The following SPATS2 variants were observed in gnomAD, a reference collection of about 807,000 sequenced individuals.
The protein encoded by SPATS2 is spermatogenesis associated serine rich 2.
In SPATS2, 38 loss-of-function variants were observed where a neutral mutation model predicts 63.7. The ratio of observed to expected loss-of-function variants is 0.60; its 90% CI spans 0.46 to 0.78. The LOEUF is 0.78. SPATS2 is among the 30% of genes least tolerant of loss of function. The pLI, the probability that SPATS2 is intolerant of heterozygous loss-of-function variation, is 0.00. For missense variants in SPATS2, 588 were observed against 666.2 expected, an observed-to-expected ratio of 0.88 and a Z score of 1.29; for synonymous variants, 207 against 232.9, an observed-to-expected ratio of 0.89 and a Z score of 1.01.
Position 49,426,099 on chromosome 12 carries a change from TA to T in SPATS2, c.-243-34670del, listed in dbSNP as rs1372138237. ...GCCTTTTAGCCTACCAGTGTTCATTTAGGGGTGTTAGTCAATTCATGCTAAG... is the reference window on the plus strand; with the variant it reads ...GCCTTTTAGCCTACCAGTGTTCATTTGGGGTGTTAGTCAATTCATGCTAAG... On this transcript the variant is annotated intron_variant, in intron 2 of 13. Transcript: ENST00000552918. Among the ~76,000 whole-genome samples the T allele has an allele frequency of 2.0e-5, 3 of 152,216 alleles. No homozygotes were observed. In the East Asian group the frequency reaches 5.8e-4, roughly 29 times the overall value.
chr12:49,382,393 CTTT>C (rs1173013908), intron 2 of SPATS2, among the ~76,000 whole-genome samples: 16 of 152,198 alleles, frequency 1.1e-4, no homozygotes, highest in Admixed American at 1.0e-3. Flanking sequence ...AGCACTTTCT[CTTT>C]TTTATCCTTC....
chr12:49,490,803 T>C, intron 6 of SPATS2, 72 bp downstream of exon 6: 1 of 1,426,208 alleles, frequency 7.0e-7, no homozygotes, highest in East Asian at 2.4e-5. Flanking sequence ...TGCAAAAATA[T>C]TTGAAAGAAA....
At chr12:49,517,480 G>A (rs577349969) in intron 10 of SPATS2, among the ~76,000 whole-genome samples, 6 of 152,170 alleles carry the variant, frequency 3.9e-5, no homozygotes, top group Non-Finnish European at 5.9e-5. Flanking sequence ...ATCAGTTAGG[G>A]ATTGAGTTTG....
At chr12:49,499,108 C>G (rs11829969) in intron 8 of SPATS2, among the ~76,000 whole-genome samples, 13,938 of 152,158 alleles carry the variant, frequency 0.092, 752 homozygotes, top group African/African-American at 0.14. Context: ...ATTATAATAG[C>G]TGTTTGATGT....
intron 2 of SPATS2, among the ~76,000 whole-genome samples, chr12:49,398,782 A>G (rs1198071816): frequency 6.6e-6 from 1 of 152,164 alleles, no homozygotes; most frequent in Non-Finnish European, 1.5e-5. Context: ...TTTCCAGAAA[A>G]TGATTTGAGT....
chr12:49,415,951 G>T (rs1944881518), intron 2 of SPATS2, among the ~76,000 whole-genome samples: 1 of 151,280 alleles, frequency 6.6e-6, no homozygotes. Context: ...GACCCTGCAG[G>T]CCTTGGCTTA....
At chr12:49,519,028 C>A in intron 10 of SPATS2, 45 bp from the exon 11 acceptor site, 2 of 1,496,572 alleles carry the variant, frequency 1.3e-6, no homozygotes, top group Non-Finnish European at 1.8e-6. Context: ...CTTCTTTATC[C>A]TATTTAGCAG....
chr12:49,490,833 C>A, intron 6 of SPATS2, 102 bp downstream of exon 6: 1 of 1,094,740 alleles, frequency 9.1e-7, no homozygotes, highest in Non-Finnish European at 1.3e-6. Flanking sequence ...TACATATCTT[C>A]TGTTTACCTG....
chr12:49,486,630 GT>G, intron 4 of SPATS2, among the ~76,000 whole-genome samples: 1 of 152,112 alleles, frequency 6.6e-6, no homozygotes, highest in Admixed American at 6.5e-5. Context: ...CACTTGTATG[GT>G]TTTTTTATTT....
At chr12:49,519,812 C>A (rs1419341840) in intron 11 of SPATS2, among the ~76,000 whole-genome samples, 1 of 147,434 alleles carries the variant, frequency 6.8e-6, no homozygotes, top group African/African-American at 2.6e-5. Flanking sequence ...ACAGTTACCA[C>A]TATTTTTTTT....
chr12:49,421,998 A>G (rs986598893), intron 2 of SPATS2, among the ~76,000 whole-genome samples: 1 of 152,166 alleles, frequency 6.6e-6, no homozygotes, highest in African/African-American at 2.4e-5. Context: ...AATTCAGGCA[A>G]CTTCCTAATG....
chr12:49,451,080 T>G (rs1248868183), intron 2 of SPATS2, among the ~76,000 whole-genome samples: 1 of 139,078 alleles, frequency 7.2e-6, no homozygotes, highest in African/African-American at 2.7e-5. Flanking sequence ...CCATGTTGGC[T>G]AGGCTGGTCT....
intron 8 of SPATS2, among the ~76,000 whole-genome samples, chr12:49,499,188 T>C (rs1946519810): frequency 6.6e-6 from 1 of 152,240 alleles, no homozygotes; most frequent in African/African-American, 2.4e-5. Context: ...TTTCTCTTAC[T>C]TATAGGTCAT....
intron 2 of SPATS2, among the ~76,000 whole-genome samples, chr12:49,407,480 G>A (rs982086237): frequency 3.3e-5 from 5 of 152,080 alleles, no homozygotes; most frequent in South Asian, 2.1e-4. Flanking sequence ...TAGCCACAGC[G>A]GCATCCTTGC....
At chr12:49,496,014 T>TAA (rs1188126535) in intron 7 of SPATS2, among the ~76,000 whole-genome samples, 7 of 152,204 alleles carry the variant, frequency 4.6e-5, no homozygotes, top group Non-Finnish European at 7.4e-5. Context: ...TTTAAAACAT[T>TAA]ACTTGTTAAT....
At chr12:49,458,232 C>T (rs545594039) in intron 2 of SPATS2, among the ~76,000 whole-genome samples, 18 of 152,258 alleles carry the variant, frequency 1.2e-4, no homozygotes, top group African/African-American at 4.1e-4. Context: ...CTTCAGGAGG[C>T]GGAGGCAGAC....
At chr12:49,373,256 G>C (rs1944034193) in intron 2 of SPATS2, among the ~76,000 whole-genome samples, 1 of 152,110 alleles carries the variant, frequency 6.6e-6, no homozygotes, top group Non-Finnish European at 1.5e-5. Context: ...TTACATGCTT[G>C]AGCCACAGTG....
At chr12:49,439,248 G>C (rs866265735) in intron 2 of SPATS2, among the ~76,000 whole-genome samples, 1 of 152,200 alleles carries the variant, frequency 6.6e-6, no homozygotes, top group Admixed American at 6.5e-5. Flanking sequence ...TTGAGCAAGG[G>C]GTGATGCTGG....
chr12:49,395,635 A>C (rs918533391), intron 2 of SPATS2, among the ~76,000 whole-genome samples: 14 of 151,736 alleles, frequency 9.2e-5, no homozygotes, highest in African/African-American at 2.9e-4. Flanking sequence ...CATGTTGATT[A>C]GGCTGGTCTT....
Sources: gnomAD v4.1 joint callset for allele counts (sites outside exome capture counted in the v4.1 genomes callset) on GRCh38, gnomAD v4.1.1 for gene constraint, MANE v1.5 for transcripts, NCBI Gene and HGNC (gene_info 2026-07-23, HGNC 2026-07-21) for gene names.